DNMT3A: variants seen among roughly 807,000 people sequenced by gnomAD.
DNMT3A encodes DNA (cytosine-5)-methyltransferase 3A.
Under a neutral mutation model 117.6 loss-of-function variants are expected in DNMT3A, and 267 were observed. The ratio of observed to expected loss-of-function variants is 2.27; its 90% CI spans 2.05 to 2.51. The LOEUF is 2.51. Among genes scored for constraint, DNMT3A ranks in the 30% most tolerant of loss-of-function variants. DNMT3A has a pLI of 0.00. For synonymous variants in DNMT3A, 432 were observed against 474.8 expected, an observed-to-expected ratio of 0.91 and a Z score of 1.17; for missense variants, 1,029 against 1,260.2, an observed-to-expected ratio of 0.82 and a Z score of 2.78.
chr2:25,331,110 T>C (rs1489072773), intron 1 of DNMT3A, among the ~76,000 whole-genome samples: 2 of 152,240 alleles, frequency 1.3e-5, no homozygotes, highest in African/African-American at 4.8e-5. Context: ...TGTGAAGTTA[T>C]GTCCATTTTA....
intron 1 of DNMT3A, among the ~76,000 whole-genome samples, chr2:25,323,349 G>C (rs914616723): frequency 2.0e-5 from 3 of 152,078 alleles, no homozygotes; most frequent in Non-Finnish European, 4.4e-5. Flanking sequence ...CTGAACTTCC[G>C]GGGACTGTGA....
At chr2:25,332,551 T>A (rs1218798420) in intron 1 of DNMT3A, among the ~76,000 whole-genome samples, 3 of 152,202 alleles carry the variant, frequency 2.0e-5, no homozygotes, top group Non-Finnish European at 4.4e-5. Context: ...TGGATGAACA[T>A]CATTTGTGGA....
At chr2:25,326,977 A>G (rs181549913) in intron 1 of DNMT3A, among the ~76,000 whole-genome samples, 34 of 152,326 alleles carry the variant, frequency 2.2e-4, no homozygotes, top group Non-Finnish European at 3.7e-4. Flanking sequence ...GATTTCCAGT[A>G]AATTCCAGAG....
chr2:25,328,669 C>G (rs775188648), intron 1 of DNMT3A: 8 of 524,138 alleles, frequency 1.5e-5, no homozygotes, highest in South Asian at 1.2e-4. Context: ...TCCCAGGCAG[C>G]TGCAACATCC....
rs1675635185 is a variant in DNMT3A, at chr2:25,252,084, C to T, written c.640-3832G>A. ...CCGGGACGCCGCGGCTGCTGCGGGC[C>T]GGGGAGGCATACTTCACTCTTTTCA... On this transcript the variant is annotated intron_variant, in intron 6 of 22. Coordinates refer to ENST00000321117, the MANE Select transcript of DNMT3A (RefSeq NM_022552.5). The surrounding 1 kb of genome is among the most constrained non-coding windows in gnomAD (Gnocchi z 5.5). 1.4e-6 allele frequency: 2 copies of T among 1,382,748 alleles called. No homozygotes were observed. The highest frequency in any genetic ancestry group is 5.5e-5 in the East Asian group (2 of 36,050). The allele number at this position is 1,382,748 out of a possible 1,614,324, so 85.7% of individuals were successfully genotyped here. A position where few individuals can be genotyped will look rare whatever the true frequency, so the allele number is the denominator to read the frequency against.
intron 4 of DNMT3A, among the ~76,000 whole-genome samples, chr2:25,279,408 G>A (rs956590874): frequency 1.3e-5 from 2 of 152,194 alleles, no homozygotes; most frequent in Non-Finnish European, 2.9e-5. Flanking sequence ...CGGGGCCTTA[G>A]TCTCCTTCCT....
At chr2:25,326,152 GGT>G (rs2034782889) in intron 1 of DNMT3A, among the ~76,000 whole-genome samples, 3 of 140,652 alleles carry the variant, frequency 2.1e-5, no homozygotes, top group Admixed American at 7.2e-5. Flanking sequence ...GTGTGTGTGT[GGT>G]GTGTTTGCAA....
intron 6 of DNMT3A, among the ~76,000 whole-genome samples, chr2:25,266,860 G>T (rs2030401753): frequency 6.6e-6 from 1 of 152,176 alleles, no homozygotes; most frequent in Non-Finnish European, 1.5e-5. Flanking sequence ...AGGGCAGTTT[G>T]GCAGATGTCA....
rs1231331532 is a variant in DNMT3A, at chr2:25,252,884, C to A, written c.640-4632G>T. 2.0e-5 allele frequency among the ~76,000 whole-genome samples: 3 copies of A among 152,012 alleles called. No individual in the cohort carries two copies. The highest frequency in any genetic ancestry group is 7.2e-5 in the African/African-American group (3 of 41,380). ...CGCAGGCATTGGGAGCGCTCCAGAT[C>A]GGGGATTGTTTGGGGGGTCTCCCGC... On this transcript the variant is annotated intron_variant, in intron 6 of 22. Coordinates refer to ENST00000321117, the MANE Select transcript of DNMT3A (RefSeq NM_022552.5). This position sits in a 1 kb window ranked among gnomAD's most constrained non-coding sequence, Gnocchi z 5.5.
At chr2:25,299,145 G>A (rs988278315) in intron 3 of DNMT3A, among the ~76,000 whole-genome samples, 61 of 152,344 alleles carry the variant, frequency 4.0e-4, no homozygotes, top group Middle Eastern at 3.4e-3. Flanking sequence ...GGAACCAGCT[G>A]TCTCTGGTGC....
chr2:25,288,915 G>C (rs1402490012), intron 3 of DNMT3A, among the ~76,000 whole-genome samples: 1 of 152,176 alleles, frequency 6.6e-6, no homozygotes, highest in African/African-American at 2.4e-5. Context: ...GGTGTGGACA[G>C]CTGCTGGCCC....
chr2:25,260,472 G>T (rs924783828), intron 6 of DNMT3A, among the ~76,000 whole-genome samples: 14 of 149,950 alleles, frequency 9.3e-5, no homozygotes, highest in African/African-American at 3.4e-4. Flanking sequence ...CTCAATTTTT[G>T]TTTTTTTTTG....
chr2:25,338,869 C>A (rs754290735), intron 1 of DNMT3A, among the ~76,000 whole-genome samples: 1 of 152,102 alleles, frequency 6.6e-6, no homozygotes, highest in Non-Finnish European at 1.5e-5. Flanking sequence ...AGTAAAACAT[C>A]CATAAGGGAC....
At position 25,322,347 on chromosome 2, in the gene DNMT3A, C is replaced by T. The variant is rs2034627657; in HGVS notation, c.-177-8186G>A. ...AAGAGTGTAGCTGAGGCCTTTCCAC[C>T]TCTGTTGTTCTATGAAATCATCACG... On this transcript the variant is annotated intron_variant, in intron 1 of 22. Transcript: ENST00000321117. Among the ~76,000 whole-genome samples, 3 of 152,020 alleles carry T rather than the reference C, an allele frequency of 2.0e-5. No homozygotes were observed. In the South Asian group the frequency reaches 6.2e-4, roughly 32 times the overall value.
At chr2:25,272,812 T>TC (rs2031036622) in intron 6 of DNMT3A, among the ~76,000 whole-genome samples, 1 of 150,188 alleles carries the variant, frequency 6.7e-6, no homozygotes, top group East Asian at 1.9e-4. Flanking sequence ...TCTTTTTTTT[T>TC]TTTTTTTGAG....
At chr2:25,292,318 C>A (rs752820983) in intron 3 of DNMT3A, among the ~76,000 whole-genome samples, 1 of 152,020 alleles carries the variant, frequency 6.6e-6, no homozygotes, top group Non-Finnish European at 1.5e-5. Flanking sequence ...CCACTGCACT[C>A]CGGCCTGGGC....
In DNMT3A at chr2:25,233,037, C is replaced by A. The variant is rs1228682687; in HGVS notation, c.*1242G>T. On this transcript the variant is annotated 3_prime_UTR_variant, in exon 23 of 23. Coordinates refer to ENST00000321117, the MANE Select transcript of DNMT3A (RefSeq NM_022552.5). ...GTTTTGACTGTCACTTTCCCACACTCTGGATTAGTTCTGATCCCACCACAA... is the reference window on the plus strand; with the variant it reads ...GTTTTGACTGTCACTTTCCCACACTATGGATTAGTTCTGATCCCACCACAA... 4.3e-6 allele frequency: 1 copy of A among 233,390 alleles called. No homozygotes were observed. The highest frequency in any genetic ancestry group is 8.5e-6 in the Non-Finnish European group (1 of 118,064). 14.5% of individuals were successfully genotyped at this position (233,390 alleles called of 1,614,324 possible).
At chr2:25,265,676 G>A (rs938293519) in intron 6 of DNMT3A, among the ~76,000 whole-genome samples, 21 of 152,150 alleles carry the variant, frequency 1.4e-4, no homozygotes, top group Admixed American at 2.6e-4. Context: ...AAAATTAGCC[G>A]GGTGTGGTGG....
At chr2:25,274,473 GGC>G (rs1553421458) in intron 6 of DNMT3A, among the ~76,000 whole-genome samples, 1 of 152,144 alleles carries the variant, frequency 6.6e-6, no homozygotes, top group Non-Finnish European at 1.5e-5. Flanking sequence ...ATTTCACCCT[GGC>G]ATACAGTTTG....
Sources: gnomAD v4.1 joint callset for allele counts (sites outside exome capture counted in the v4.1 genomes callset) on GRCh38, gnomAD v4.1.1 for gene constraint, Gnocchi (gnomAD v3.1) non-coding constraint, MANE v1.5 for transcripts, NCBI Gene and HGNC (gene_info 2026-07-23, HGNC 2026-07-21) for gene names.